Variants in PTPN9 observed in about 807,000 individuals in gnomAD.
PTPN9 encodes protein tyrosine phosphatase non-receptor type 9.
Under a neutral mutation model 69.8 loss-of-function variants are expected in PTPN9, and 26 were observed. The ratio of observed to expected loss-of-function variants is 0.37; its 90% confidence interval spans 0.27 to 0.52. PTPN9 has a LOEUF of 0.52. Ranked by LOEUF, PTPN9 falls within the 20% of genes least tolerant of loss-of-function variation. PTPN9 has a pLI of 0.91. For synonymous variants in PTPN9, 274 were observed against 272.5 expected, an observed-to-expected ratio of 1.01 and a Z score of -0.05; for missense variants, 549 against 740.3, an observed-to-expected ratio of 0.74 and a Z score of 3.00.
intron 2 of PTPN9, 84 bp downstream of exon 2, chr15:75,527,034 C>T: frequency 6.6e-7 from 1 of 1,505,800 alleles, no homozygotes; most frequent in South Asian, 1.2e-5. Context: ...ACTTAGAGAA[C>T]CAATGTGTGT....
rs558405897 is a variant in PTPN9 at position 75,496,375 on chromosome 15, C to G, written c.969-6074G>C. ...TAATTTACATAGTCATAATAATGTACAATGACGATTCAATTTAAGAATGTT... is the reference window on the plus strand; with the variant it reads ...TAATTTACATAGTCATAATAATGTAGAATGACGATTCAATTTAAGAATGTT... On this transcript the variant is annotated intron_variant, in intron 7 of 12. Transcript: ENST00000618819. Among the ~76,000 whole-genome samples, 8 of 151,008 alleles carry G rather than the reference C, an allele frequency of 5.3e-5. No homozygotes were observed. The East Asian group carries it at 7.8e-4, about 15-fold the overall frequency.
chr15:75,555,414 G>A (rs537163010), intron 1 of PTPN9, among the ~76,000 whole-genome samples: 1 of 152,088 alleles, frequency 6.6e-6, no homozygotes, highest in South Asian at 2.1e-4. Context: ...ACATATTACT[G>A]GATCCCACCT....
At chr15:75,530,729 A>AG (rs574570957) in intron 1 of PTPN9, among the ~76,000 whole-genome samples, 2,574 of 24,660 alleles carry the variant, frequency 0.1, 278 homozygotes, top group Non-Finnish European at 0.12. Flanking sequence ...TATATATAAT[A>AG]TATATTATTA....
chr15:75,510,613 C>T (rs1405839211), intron 5 of PTPN9, among the ~76,000 whole-genome samples: 2 of 150,320 alleles, frequency 1.3e-5, no homozygotes, highest in African/African-American at 4.9e-5. Context: ...GTCTTAAATC[C>T]TTTTCTATTT....
intron 1 of PTPN9, among the ~76,000 whole-genome samples, chr15:75,536,803 A>T (rs574227984): frequency 6.6e-6 from 1 of 152,312 alleles, no homozygotes; most frequent in African/African-American, 2.4e-5. Context: ...CCTCAAAAAA[A>T]TAACTATAAG....
intron 1 of PTPN9, among the ~76,000 whole-genome samples, 160 bp from the exon 2 acceptor site, chr15:75,527,421 GA>G (rs1036625694): frequency 2.4e-4 from 36 of 152,238 alleles, no homozygotes; most frequent in Admixed American, 8.5e-4. Flanking sequence ...AAACAGGTCT[GA>G]AACCAGACAT....
At chr15:75,499,190 A>AC (rs1333942025) in intron 7 of PTPN9, among the ~76,000 whole-genome samples, 2 of 152,146 alleles carry the variant, frequency 1.3e-5, no homozygotes, top group Non-Finnish European at 2.9e-5. Flanking sequence ...CAAGGGAGAC[A>AC]CAGTTTGTTC....
intron 7 of PTPN9, among the ~76,000 whole-genome samples, chr15:75,497,619 G>A (rs1454093925): frequency 6.6e-6 from 1 of 151,888 alleles, no homozygotes; most frequent in Non-Finnish European, 1.5e-5. Flanking sequence ...TGACCAACAT[G>A]GCGAAACCCC....
At chr15:75,496,503 T>TC (rs954365795) in intron 7 of PTPN9, among the ~76,000 whole-genome samples, 6 of 150,908 alleles carry the variant, frequency 4.0e-5, no homozygotes, top group African/African-American at 1.5e-4. Flanking sequence ...ATTAACTTTT[T>TC]TTTTTTTTTT....
chr15:75,536,773 A>G (rs2074983991), intron 1 of PTPN9, among the ~76,000 whole-genome samples: 1 of 152,108 alleles, frequency 6.6e-6, no homozygotes, highest in Non-Finnish European at 1.5e-5. Flanking sequence ...TGAGATGATG[A>G]GTTTGGTTCC....
intron 10 of PTPN9, among the ~76,000 whole-genome samples, chr15:75,473,250 A>T (rs900097315): frequency 6.8e-6 from 1 of 146,424 alleles, no homozygotes; most frequent in Admixed American, 6.8e-5. Flanking sequence ...CTAATCCTCA[A>T]TTTTTTTTTT....
chr15:75,504,922 G>A (rs1207159959), intron 7 of PTPN9, among the ~76,000 whole-genome samples: 2 of 152,094 alleles, frequency 1.3e-5, no homozygotes, highest in African/African-American at 2.4e-5. Flanking sequence ...AGGAAGTGAG[G>A]AGCCCCTCTG....
intron 5 of PTPN9, chr15:75,512,975 T>A (rs1342000670): frequency 2.5e-6 from 1 of 399,572 alleles, no homozygotes; most frequent in Non-Finnish European, 4.9e-6. Flanking sequence ...CATTCGCCAC[T>A]TAAGTTTCAC....
At chr15:75,529,778 T>C (rs2074946567) in intron 1 of PTPN9, among the ~76,000 whole-genome samples, 1 of 149,382 alleles carries the variant, frequency 6.7e-6, no homozygotes, top group African/African-American at 2.5e-5. Context: ...GGCATGGTGG[T>C]GCATGTCTGT....
At chr15:75,477,830 A>ACC (rs2074604640) in intron 9 of PTPN9, among the ~76,000 whole-genome samples, 1 of 133,852 alleles carries the variant, frequency 7.5e-6, no homozygotes, top group African/African-American at 2.8e-5. Flanking sequence ...CTAATCAGAT[A>ACC]CTCTTTTTTT....
At chr15:75,474,247 C>T (rs2074583995) in intron 9 of PTPN9, among the ~76,000 whole-genome samples, 1 of 152,200 alleles carries the variant, frequency 6.6e-6, no homozygotes, top group African/African-American at 2.4e-5. Context: ...TGGCCGGGTG[C>T]AGTGGCTCAT....
chr15:75,569,840 T>C (rs2075141593), intron 1 of PTPN9, among the ~76,000 whole-genome samples: 1 of 152,032 alleles, frequency 6.6e-6, no homozygotes, highest in South Asian at 2.1e-4. Context: ...ATTTTTTTTT[T>C]GAGATGGATT....
At chr15:75,577,152 G>A (rs564926031) in intron 1 of PTPN9, among the ~76,000 whole-genome samples, 1 of 152,318 alleles carries the variant, frequency 6.6e-6, no homozygotes, top group South Asian at 2.1e-4. Context: ...TATGTACAAA[G>A]TAAAGCCAAT....
intron 8 of PTPN9, among the ~76,000 whole-genome samples, chr15:75,483,217 T>C (rs1487625044): frequency 6.6e-6 from 1 of 152,248 alleles, no homozygotes; most frequent in African/African-American, 2.4e-5. Context: ...GACCCAGCAA[T>C]TCCACTCCTT....
Sources: allele counts gnomAD v4.1 joint callset (sites outside exome capture counted in the v4.1 genomes callset), GRCh38; gene constraint gnomAD v4.1.1; transcripts MANE v1.5; gene names NCBI Gene and HGNC (gene_info 2026-07-23, HGNC 2026-07-21).